The following TOP1 variants were observed in gnomAD, a reference collection of about 807,000 sequenced individuals.
TOP1 encodes the protein DNA topoisomerase I.
A neutral mutation model predicts 111.1 loss-of-function variants in TOP1; 10 were observed. That is an observed-to-expected ratio of 0.09 (90% CI 0.06 to 0.15). The LOEUF is 0.15. Ranked by LOEUF, TOP1 falls within the 10% of genes least tolerant of loss-of-function variation. The pLI, the probability that TOP1 is intolerant of heterozygous loss-of-function variation, is 1.00. For synonymous variants in TOP1, 271 were observed against 302.9 expected (o/e 0.89, Z 1.10); for missense variants, 474 against 926.7 (o/e 0.51, Z 6.34).
At chr20:41,042,871 T>C (rs546444542) in intron 2 of TOP1, among the ~76,000 whole-genome samples, 44 of 152,248 alleles carry the variant, frequency 2.9e-4, no homozygotes, top group African/African-American at 1.1e-3. Context: ...TTAAGAAAAT[T>C]GTAAGGAAGA....
Position 41,067,075 on chromosome 20 carries a change from C to CCAAAGAGGTACT in TOP1, c.155+5586_155+5587insAAAGAGGTACTC, listed in dbSNP as rs1356882575. Among the ~76,000 whole-genome samples, 22 of 152,260 alleles carry CCAAAGAGGTACT rather than the reference C, an allele frequency of 1.4e-4. No individual in the cohort carries two copies. The highest frequency in any genetic ancestry group is 4.6e-4 in the Admixed American group (7 of 15,302). ...TGTTTTGATGTCTACTGACACAGTA[C>CCAAAGAGGTACT]CTCTTTGCAACAAAGCAAGGATATT... On this transcript the variant is annotated intron_variant, in intron 3 of 20. Coordinates refer to ENST00000361337, the MANE Select transcript of TOP1 (RefSeq NM_003286.4). The surrounding 1 kb of genome is among the most constrained non-coding windows in gnomAD (Gnocchi z 4.0).
In TOP1 at chr20:41,095,449, A is replaced by C. The variant is rs1289290598; in HGVS notation, c.731-1771A>C. Among the ~76,000 whole-genome samples the C allele has an allele frequency of 6.6e-6, 1 of 152,022 alleles. No individual in the cohort carries two copies. Among genetic ancestry groups the C allele is most frequent in the African/African-American group, 2.4e-5 (1 of 41,386 alleles). Reference sequence around the variant, plus strand: ...TAATGTTTTCCTTTATATTGGAAACATGTTACAGTTTTCTAAAGAAGTTCA... The same window carrying C: ...TAATGTTTTCCTTTATATTGGAAACCTGTTACAGTTTTCTAAAGAAGTTCA... On this transcript the variant is annotated intron_variant, in intron 9 of 20. Transcript: ENST00000361337. This position sits in a 1 kb window ranked among gnomAD's most constrained non-coding sequence, Gnocchi z 4.6.
chr20:41,121,988 A>T lies in TOP1; in HGVS notation c.2046-18A>T. 1 of 1,613,398 alleles carries T rather than the reference A, an allele frequency of 6.2e-7. No individual in the cohort carries two copies. The highest frequency in any genetic ancestry group is 8.5e-7 in the Non-Finnish European group (1 of 1,179,788). On this transcript the variant is annotated intron_variant, in intron 19 of 20. Transcript: ENST00000361337. This position sits in a 1 kb window ranked among gnomAD's most constrained non-coding sequence, Gnocchi z 4.2. The stretch of plus-strand genomic sequence containing the variant: ...TAGAGCCCAGGCCTGGTTCTTGAGG[A>T]CTTTGCTATTCTTCTAGGGTAGTAG...
rs1421679474 is a variant in TOP1, at chr20:41,118,084, G to A, written c.1823-85G>A. Reference sequence around the variant, plus strand: ...AGATAAGAGCCAGCAAAATCATGGGGACGAGGCACTGGGGGAAGACATACT... The same window carrying A: ...AGATAAGAGCCAGCAAAATCATGGGAACGAGGCACTGGGGGAAGACATACT... On this transcript the variant is annotated intron_variant, in intron 17 of 20. Transcript: ENST00000361337. The surrounding 1 kb of genome is among the most constrained non-coding windows in gnomAD (Gnocchi z 4.6). 2 of 1,448,290 alleles carry A rather than the reference G, an allele frequency of 1.4e-6. No individual in the cohort carries two copies. The highest frequency in any genetic ancestry group is 1.9e-6 in the Non-Finnish European group (2 of 1,070,474). The allele number at this position is 1,448,290 out of a possible 1,614,324, so 89.7% of individuals were successfully genotyped here.
rs1351441526 is a variant in TOP1, at chr20:41,077,649, C to CT, written c.335+13dup. The CT allele has an allele frequency of 6.2e-6, 10 of 1,613,306 alleles. No individual in the cohort carries two copies. The highest frequency in any genetic ancestry group is 8.5e-6 in the Non-Finnish European group (10 of 1,179,264). The stretch of plus-strand genomic sequence containing the variant: ...AATGGCTTCTCTAGGTAAGACTTTG[C>CT]TGCTGCGTGGGCTTCCCTTTCTCTG... On this transcript the variant is annotated intron_variant, in intron 5 of 20. Coordinates refer to ENST00000361337, the MANE Select transcript of TOP1 (RefSeq NM_003286.4).
Position 41,118,345 on chromosome 20 carries a change from C to A in TOP1, c.1950+49C>A. 1 of 1,603,520 alleles carries A rather than the reference C, an allele frequency of 6.2e-7. No individual in the cohort carries two copies. On this transcript the variant is annotated intron_variant, in intron 18 of 20. Coordinates refer to ENST00000361337, the MANE Select transcript of TOP1 (RefSeq NM_003286.4). This position sits in a 1 kb window ranked among gnomAD's most constrained non-coding sequence, Gnocchi z 4.6. ...ACTGTGTCTGCTGTGGGCAGATTAT[C>A]TGCGAATGAGAGGATTCAGGGCTGA...
chr20:41,110,270 C>T lies in TOP1; in HGVS notation c.1309-2512C>T, dbSNP rs186511212. Among the ~76,000 whole-genome samples, 8 of 151,700 alleles carry T rather than the reference C, an allele frequency of 5.3e-5. No homozygotes were observed. Among genetic ancestry groups the T allele is most frequent in the East Asian group, 1.9e-4 (1 of 5,166 alleles). On this transcript the variant is annotated intron_variant, in intron 13 of 20. Transcript: ENST00000361337. The surrounding 1 kb of genome is among the most constrained non-coding windows in gnomAD (Gnocchi z 4.2). ...ACTGTACTCCAGCCTGGTGACAGAG[C>T]GAGACGCTGTCTCAGAGGGAAAAAA...
intron 2 of TOP1, among the ~76,000 whole-genome samples, chr20:41,053,169 T>C (rs2033427112): frequency 6.6e-6 from 1 of 152,218 alleles, no homozygotes. Context: ...TCAGCAATGA[T>C]AGTAATAGCT....
chr20:41,100,996 C>A lies in TOP1; in HGVS notation c.1164-213C>A, dbSNP rs1467081734. 6.6e-6 allele frequency among the ~76,000 whole-genome samples: 1 copy of A among 152,160 alleles called. No individual in the cohort carries two copies. On this transcript the variant is annotated intron_variant, in intron 12 of 20. Coordinates refer to ENST00000361337, the MANE Select transcript of TOP1 (RefSeq NM_003286.4). The surrounding 1 kb of genome is among the most constrained non-coding windows in gnomAD (Gnocchi z 4.4). ...AGAATGATGTGCAATTTAAAACTTA[C>A]AAAATGTTTATTTCTGGAATTTTGT...
Position 41,067,207 on chromosome 20 carries a change from C to T in TOP1, c.155+5717C>T, listed in dbSNP as rs948000767. ...TGATCTCGGCTCACTGCAACCTCTG[C>T]CTCCTGGGTTCAAGCGATTCTCCTG... On this transcript the variant is annotated intron_variant, in intron 3 of 20. Transcript: ENST00000361337. This position sits in a 1 kb window ranked among gnomAD's most constrained non-coding sequence, Gnocchi z 4.0. Among the ~76,000 whole-genome samples the T allele has an allele frequency of 3.3e-5, 5 of 151,410 alleles. No individual in the cohort carries two copies. Among genetic ancestry groups the T allele is most frequent in the African/African-American group, 1.2e-4 (5 of 41,104 alleles).
intron 8 of TOP1, among the ~76,000 whole-genome samples, chr20:41,087,463 A>G (rs1437346630): frequency 6.6e-6 from 1 of 152,260 alleles, no homozygotes; most frequent in African/African-American, 2.4e-5. Context: ...TGCAGGTGTT[A>G]GGTGTGACTT....
At position 41,029,060 on chromosome 20, in the gene TOP1, G is replaced by C. The variant is rs981516926; in HGVS notation, c.-8G>C. ...CGCCTGCCGCCGCGCTCGTCCCTCC[G>C]GGCCGACATGAGTGGGGACCACCTC... On this transcript the variant is annotated 5_prime_UTR_variant, in exon 1 of 21. Coordinates refer to ENST00000361337, the MANE Select transcript of TOP1 (RefSeq NM_003286.4). This position sits in a 1 kb window ranked among gnomAD's most constrained non-coding sequence, Gnocchi z 6.1. The C allele has an allele frequency of 3.9e-6, 6 of 1,546,756 alleles. No homozygotes were observed. Among genetic ancestry groups the C allele is most frequent in the Non-Finnish European group, 5.2e-6 (6 of 1,150,372 alleles).
chr20:41,029,427 C>A lies in TOP1; in HGVS notation c.34-4C>A. On this transcript the variant is annotated splice_polypyrimidine_tract_variant and splice_region_variant and intron_variant, in intron 1 of 20. Coordinates refer to ENST00000361337, the MANE Select transcript of TOP1 (RefSeq NM_003286.4). The surrounding 1 kb of genome is among the most constrained non-coding windows in gnomAD (Gnocchi z 6.1). ...TTTGATATTCTCTCCTTTTCTTTTT[C>A]CAGATCGAAGCGGATTTCCGATTGA... The A allele has an allele frequency of 6.7e-7, 1 of 1,486,372 alleles. No individual in the cohort carries two copies. 92.1% of individuals were successfully genotyped at this position (1,486,372 alleles called of 1,614,324 possible).
rs1017693484 is a variant in TOP1, at chr20:41,028,828, C to A, written c.-240C>A. On this transcript the variant is annotated 5_prime_UTR_variant, in exon 1 of 21. Transcript: ENST00000361337. ...CGCGCAGGCGCAGTGAGCCCAAATG[C>A]GAACTTAGGCTGTTACACAACTGCT... The A allele has an allele frequency of 1.9e-5, 10 of 517,098 alleles. No individual in the cohort carries two copies. The highest frequency in any genetic ancestry group is 3.1e-5 in the Non-Finnish European group (9 of 293,396). The allele number at this position is 517,098 out of a possible 1,614,324, so 32.0% of individuals were successfully genotyped here.
chr20:41,089,623 C>T (rs1475634428), intron 8 of TOP1, among the ~76,000 whole-genome samples: 2 of 152,162 alleles, frequency 1.3e-5, no homozygotes, highest in East Asian at 3.8e-4. Context: ...CATTCGTGTA[C>T]AAGTATTTGT....
chr20:41,090,093 C>G (rs1422174659), intron 8 of TOP1, among the ~76,000 whole-genome samples: 2 of 151,904 alleles, frequency 1.3e-5, no homozygotes, highest in Non-Finnish European at 2.9e-5. Flanking sequence ...CATGCCTCAG[C>G]CTCCTGAGTA....
At position 41,080,128 on chromosome 20, in the gene TOP1, G is replaced by T. The variant is rs200253743; in HGVS notation, c.379G>T (p.Val127Phe). Residue 127 changes from valine (V) to phenylalanine (F), a missense_variant, in exon 6 of 21, where the codon GTT (valine) becomes TTT (phenylalanine). Val to Phe is a conservative substitution (Grantham distance 50). This residue lies in a region of TOP1 where 185 missense variants were observed against 226.3 expected (regional missense o/e 0.82). Coordinates refer to ENST00000361337, the MANE Select transcript of TOP1 (RefSeq NM_003286.4). The surrounding 1 kb of genome is among the most constrained non-coding windows in gnomAD (Gnocchi z 5.0). ...TGAACCTGAAGATGATGGCTATTTT[G>T]TTCCTCCTAAAGAGGATATAAAGCC... ...KDEPEDDGYF[V>F]PPKEDIKPLK... is the part of the protein sequence containing the mutation. The T allele has an allele frequency of 1.9e-6, 3 of 1,611,580 alleles. No homozygotes were observed. The highest frequency in any genetic ancestry group is 2.5e-6 in the Non-Finnish European group (3 of 1,179,004).
At chr20:41,044,429 G>A (rs1051161452) in intron 2 of TOP1, among the ~76,000 whole-genome samples, 2 of 152,224 alleles carry the variant, frequency 1.3e-5, no homozygotes, top group African/African-American at 4.8e-5. Context: ...TGCTCCCGAA[G>A]CTTAAAATAA....
Position 41,101,993 on chromosome 20 carries a change from A to G in TOP1, c.1308+640A>G, listed in dbSNP as rs1011701510. ...TTTTGTTTGCCAGATAGCTATGTAT[A>G]TCTAGCTTTGGAGAGTCCCACGAAC... On this transcript the variant is annotated intron_variant, in intron 13 of 20. Transcript: ENST00000361337. This position sits in a 1 kb window ranked among gnomAD's most constrained non-coding sequence, Gnocchi z 4.1. Among the ~76,000 whole-genome samples the G allele has an allele frequency of 6.6e-6, 1 of 152,218 alleles. No homozygotes were observed. The highest frequency in any genetic ancestry group is 2.4e-5 in the African/African-American group (1 of 41,444).
Sources: allele counts gnomAD v4.1 joint callset (sites outside exome capture counted in the v4.1 genomes callset), GRCh38; gene constraint gnomAD v4.1.1; regional missense constraint gnomAD v4.1.1; non-coding constraint Gnocchi (gnomAD v3.1); transcripts MANE v1.5; gene names NCBI Gene and HGNC (gene_info 2026-07-23, HGNC 2026-07-21).